TTC19: variants seen among roughly 807,000 people sequenced by gnomAD.
TTC19 encodes the protein tetratricopeptide repeat protein 19, mitochondrial.
TTC19 carries 38 observed loss-of-function variants against 49.5 expected under a neutral mutation model. The observed-to-expected ratio is 0.77, with a 90% CI of 0.59 to 1.01. The LOEUF is 1.01. TTC19 is among the 50% of genes least tolerant of loss of function. The pLI, the probability that TTC19 is intolerant of heterozygous loss-of-function variation, is 0.00. For missense variants in TTC19, 475 were observed against 477.7 expected (o/e 0.99, Z 0.05); for synonymous variants, 204 against 185.2 (o/e 1.10, Z -0.83).
chr17:16,034,054 C>T (rs1973312052), downstream of TTC19, among the ~76,000 whole-genome samples: 1 of 152,290 alleles, frequency 6.6e-6, no homozygotes, highest in Non-Finnish European at 1.5e-5. Flanking sequence ...TAGTATTTCC[C>T]TAAGAACTTT....
chr17:16,010,834 A>C (rs187051059), intron 7 of TTC19, among the ~76,000 whole-genome samples: 85 of 152,266 alleles, frequency 5.6e-4, no homozygotes, highest in Non-Finnish European at 9.8e-4. Flanking sequence ...AATAATATAA[A>C]ATTGCTATTT....
chr17:16,027,355 T>C lies in TTC19; in HGVS notation c.995-19T>C. On this transcript the variant is annotated intron_variant, in intron 9 of 9. Transcript: ENST00000261647. ...CATACACTTTCTTCTTACTGTCCCT[T>C]CTCTCTGGGTTATTTTAGAACGATA... 1.9e-6 allele frequency: 3 copies of C among 1,613,670 alleles called. No homozygotes were observed. The highest frequency in any genetic ancestry group is 2.5e-6 in the Non-Finnish European group (3 of 1,179,686).
intron 7 of TTC19, among the ~76,000 whole-genome samples, chr17:16,010,299 G>C (rs12939400): frequency 4.1e-5 from 6 of 147,606 alleles, no homozygotes; most frequent in Admixed American, 6.9e-5. Flanking sequence ...TCAGCCTCCC[G>C]AGTAGCCGGG....
downstream of TTC19, among the ~76,000 whole-genome samples, chr17:16,033,691 T>C (rs2151813033): frequency 6.6e-6 from 1 of 152,346 alleles, no homozygotes; most frequent in East Asian, 1.9e-4. Flanking sequence ...ACTGTGATCA[T>C]AGTTATTACA....
intron 7 of TTC19, among the ~76,000 whole-genome samples, chr17:16,016,547 TTCTAA>T (rs1422752375): frequency 2.7e-5 from 4 of 150,184 alleles, no homozygotes; most frequent in Non-Finnish European, 5.9e-5. Context: ...TGTCTAGTTG[TTCTAA>T]TTTTTTTTTT....
intron 2 of TTC19, chr17:16,039,642 G>T (rs1408600648): frequency 6.2e-7 from 1 of 1,613,660 alleles, no homozygotes; most frequent in South Asian, 1.1e-5. Flanking sequence ...ATGGCCTCTA[G>T]AGCTAACTGA....
In TTC19 at chr17:15,999,974, G is replaced by T; in HGVS notation, c.126G>T (p.Val42=). ...LAGGPGPEVQ[V]PPSRVAPHGR... is the part of the protein sequence containing the mutation. ...GAGGTCCGGGGCCCGAGGTGCAGGT[G>T]CCGCCATCCCGAGTCGCGCCGCACG... Residue 42 remains valine, a synonymous_variant, in exon 1 of 10, where the codon GTG becomes GTT. Transcript: ENST00000261647. The T allele has an allele frequency of 1.5e-6, 2 of 1,293,732 alleles. No individual in the cohort carries two copies. The highest frequency in any genetic ancestry group is 2.0e-6 in the Non-Finnish European group (2 of 1,024,244). The allele number at this position is 1,293,732 out of a possible 1,614,324, so 80.1% of individuals were successfully genotyped here.
chr17:16,020,671 AC>A (rs933354613), intron 7 of TTC19, among the ~76,000 whole-genome samples: 7 of 150,132 alleles, frequency 4.7e-5, no homozygotes, highest in Admixed American at 2.7e-4. Flanking sequence ...TTCCCCCACT[AC>A]CCCCCACCCC....
intron 7 of TTC19, among the ~76,000 whole-genome samples, chr17:16,009,605 A>C (rs1392058005): frequency 6.6e-6 from 1 of 152,198 alleles, no homozygotes; most frequent in African/African-American, 2.4e-5. Context: ...AAAATGTGTT[A>C]CATGATTCTT....
intron 2 of TTC19, chr17:16,034,703 A>G (rs538438029): frequency 5.3e-5 from 75 of 1,421,008 alleles, no homozygotes; most frequent in Non-Finnish European, 6.6e-5. Flanking sequence ...TTGAAGAACT[A>G]ATAACCAAGA....
chr17:16,020,880 GT>G (rs976967184), intron 7 of TTC19, among the ~76,000 whole-genome samples: 3 of 152,046 alleles, frequency 2.0e-5, no homozygotes, highest in Non-Finnish European at 4.4e-5. Flanking sequence ...TAGAGATGAG[GT>G]TTCGCTATGT....
rs77901560 is a variant in TTC19, at chr17:16,000,612, G to C, written c.312+367G>C. 8.7e-3 allele frequency among the ~76,000 whole-genome samples: 1,319 copies of C among 152,224 alleles called. 13 individuals carry two copies. The highest frequency in any genetic ancestry group is 0.014 in the Non-Finnish European group (933 of 68,018). On this transcript the variant is annotated intron_variant, in intron 2 of 9. Coordinates refer to ENST00000261647, the MANE Select transcript of TTC19 (RefSeq NM_017775.4). ...GCCTGAAAATGGCAACTTAGTGTTGGTTATGCGGTTCGGTTCTCCTCCTGA... is the reference window on the plus strand; with the variant it reads ...GCCTGAAAATGGCAACTTAGTGTTGCTTATGCGGTTCGGTTCTCCTCCTGA...
In TTC19 at chr17:16,002,824, T is replaced by C; in HGVS notation, c.455T>C (p.Leu152Pro). 1.2e-6 allele frequency: 2 copies of C among 1,614,082 alleles called. No homozygotes were observed. The highest frequency in any genetic ancestry group is 1.7e-4 in the Middle Eastern group (1 of 6,060). ...MANLAFIRGQ[L>P]ENAEQLFKAT... ...AACTTAGCATTTATACGGGGTCAGC[T>C]TGAAAATGTAAGTAAATTGCTTTGT... Residue 152 changes from leucine to proline, a missense_variant, in exon 4 of 10, where the codon CTT becomes CCT. Physicochemically the swap from Leu to Pro is moderately conservative, Grantham distance 98 (BLOSUM62 -3). Coordinates refer to ENST00000261647, the MANE Select transcript of TTC19 (RefSeq NM_017775.4).
chr17:16,010,242 C>T lies in TTC19; in HGVS notation c.676+3674C>T, dbSNP rs191470185. Among the ~76,000 whole-genome samples, 1,380 of 142,590 alleles carry T rather than the reference C, an allele frequency of 9.7e-3. 12 individuals are homozygous for T. The highest frequency in any genetic ancestry group is 0.015 in the Non-Finnish European group (998 of 66,708). 93.5% of individuals were successfully genotyped at this position (142,590 alleles called of 152,430 possible). On this transcript the variant is annotated intron_variant, in intron 7 of 9. Coordinates refer to ENST00000261647, the MANE Select transcript of TTC19 (RefSeq NM_017775.4). Reference sequence around the variant, plus strand: ...AGGCTGGAGTGCAGTGGTGCAATCTCGGCTCACTGCAACCTCCGCCTCCCG... The same window carrying T: ...AGGCTGGAGTGCAGTGGTGCAATCTTGGCTCACTGCAACCTCCGCCTCCCG...
chr17:16,003,428 TATTTA>T (rs1242298547), intron 4 of TTC19, among the ~76,000 whole-genome samples: 1 of 145,478 alleles, frequency 6.9e-6, no homozygotes, highest in Non-Finnish European at 1.5e-5. Flanking sequence ...TTTTCTTATT[TATTTA>T]TTTATTTATT....
At chr17:16,027,119 A>C in intron 9 of TTC19, 1 of 546,490 alleles carries the variant, frequency 1.8e-6, no homozygotes, top group South Asian at 2.0e-5. Context: ...TGACAGGTGT[A>C]TTACACATAC....
Position 16,006,463 on chromosome 17 carries a change from T to A in TTC19, c.582-11T>A, listed in dbSNP as rs1348489068. The A allele has an allele frequency of 2.5e-6, 4 of 1,581,246 alleles. No homozygotes were observed. Among genetic ancestry groups the A allele is most frequent in the Non-Finnish European group, 2.6e-6 (3 of 1,150,576 alleles). ...AAAGGTAAATGGCTGATTATTGATTTTGCTTTACAGACAGGAATTTGCTGT... is the reference window on the plus strand; with the variant it reads ...AAAGGTAAATGGCTGATTATTGATTATGCTTTACAGACAGGAATTTGCTGT... On this transcript the variant is annotated splice_polypyrimidine_tract_variant and intron_variant, in intron 6 of 9. Coordinates refer to ENST00000261647, the MANE Select transcript of TTC19 (RefSeq NM_017775.4).
At chr17:16,024,030 G>A (rs1257227848) in intron 7 of TTC19, 1 of 152,132 alleles carries the variant, frequency 6.6e-6, no homozygotes, top group Non-Finnish European at 1.5e-5. Context: ...TGAGTTGTTG[G>A]CAGAATTTCC....
intron 7 of TTC19, among the ~76,000 whole-genome samples, chr17:16,020,176 AT>A (rs1971329334): frequency 6.6e-6 from 1 of 152,208 alleles, no homozygotes; most frequent in Non-Finnish European, 1.5e-5. Context: ...GACTAGCAGT[AT>A]ATTAGTGTTC....
Sources: gnomAD v4.1 joint callset for allele counts (sites outside exome capture counted in the v4.1 genomes callset) on GRCh38, gnomAD v4.1.1 for gene constraint, MANE v1.5 for transcripts, NCBI Gene and HGNC (gene_info 2026-07-23, HGNC 2026-07-21) for gene names.